MARCHF10: variants seen among roughly 807,000 people sequenced by gnomAD.
MARCHF10 encodes the protein probable E3 ubiquitin-protein ligase MARCHF10.
In MARCHF10, 64 loss-of-function variants were observed where a neutral mutation model predicts 76.2. That is an observed-to-expected ratio of 0.84 (90% confidence interval 0.69 to 1.03). The LOEUF is 1.03. Ranked by LOEUF, MARCHF10 falls within the 50% of genes least tolerant of loss-of-function variation. The pLI is 0.00. For synonymous variants in MARCHF10, 340 were observed against 357.5 expected (o/e 0.95, Z 0.55); for missense variants, 875 against 958.0 (o/e 0.91, Z 1.14).
chr17:62,767,739 C>T (rs1362208316), intron 3 of MARCHF10, among the ~76,000 whole-genome samples: 2 of 152,148 alleles, frequency 1.3e-5, no homozygotes, highest in Admixed American at 6.5e-5. Context: ...GTGTGAGCCA[C>T]CTGTAATGCC....
chr17:62,734,464 T>A (rs1305292494), intron 6 of MARCHF10, among the ~76,000 whole-genome samples: 1 of 152,186 alleles, frequency 6.6e-6, no homozygotes, highest in Non-Finnish European at 1.5e-5. Context: ...TGTACGTATG[T>A]CATGTATTAA....
intron 9 of MARCHF10, among the ~76,000 whole-genome samples, chr17:62,708,793 G>A (rs1307175475): frequency 6.6e-6 from 1 of 152,182 alleles, no homozygotes; most frequent in Non-Finnish European, 1.5e-5. Context: ...TCAGCAGTCA[G>A]ATGTGACTCA....
chr17:62,793,124 T>C (rs1245391033), intron 2 of MARCHF10, among the ~76,000 whole-genome samples: 139 of 55,188 alleles, frequency 2.5e-3, no homozygotes, highest in African/African-American at 3.8e-3. Context: ...TCCATCACTA[T>C]CACCACAACC....
At chr17:62,794,889 C>T (rs1398414567) in intron 2 of MARCHF10, 2 of 408,858 alleles carry the variant, frequency 4.9e-6, no homozygotes, top group East Asian at 1.6e-4. Flanking sequence ...TAATTGTCCT[C>T]GGTGACATTA....
chr17:62,769,612 C>T (rs568923680), intron 3 of MARCHF10, among the ~76,000 whole-genome samples: 5 of 152,224 alleles, frequency 3.3e-5, no homozygotes, highest in African/African-American at 1.2e-4. Flanking sequence ...CAGGGTTTCA[C>T]CATGTTGGGC....
chr17:62,780,057 G>A (rs571938085), intron 3 of MARCHF10, among the ~76,000 whole-genome samples: 3 of 151,702 alleles, frequency 2.0e-5, no homozygotes, highest in Non-Finnish European at 2.9e-5. Flanking sequence ...AGATCTCACC[G>A]TTGCACTCCA....
intron 3 of MARCHF10, among the ~76,000 whole-genome samples, chr17:62,778,491 G>A (rs535898861): frequency 6.6e-6 from 1 of 152,074 alleles, no homozygotes; most frequent in Non-Finnish European, 1.5e-5. Flanking sequence ...AGCACTTTGG[G>A]AGGCTGAGGC....
intron 5 of MARCHF10, among the ~76,000 whole-genome samples, chr17:62,739,061 G>A (rs1418740651): frequency 2.6e-5 from 4 of 152,192 alleles, no homozygotes; most frequent in Admixed American, 1.3e-4. Flanking sequence ...CACTTTGAAA[G>A]GCCGAGGTGG....
At chr17:62,728,926 G>A (rs1483559185) in intron 6 of MARCHF10, among the ~76,000 whole-genome samples, 1 of 152,086 alleles carries the variant, frequency 6.6e-6, no homozygotes, top group Admixed American at 6.5e-5. Context: ...AAAGAATAAA[G>A]TATGAAGGGT....
chr17:62,701,731 C>G lies in MARCHF10; in HGVS notation c.2399G>C (p.Gly800Ala). The change falls in exon 11 of 11, where the codon GGC (glycine) becomes GCC (alanine). Residue 800 changes from glycine to alanine, a missense_variant. By Grantham distance (60) the Gly-to-Ala change is moderately conservative. Coordinates refer to ENST00000311269, the MANE Select transcript of MARCHF10 (RefSeq NM_152598.4). ...GACGACCTGGCTTTGAGAAATGCTG[C>G]CTTCATTTCCATCTCCCAACTCCGA... is the stretch of plus-strand genomic sequence containing the variant. ...ENSELGDGNEGSISQSQVV is the reference protein window; with the variant it reads ...ENSELGDGNEASISQSQVV 6.2e-7 allele frequency: 1 copy of G among 1,614,128 alleles called. No individual in the cohort carries two copies. Among genetic ancestry groups the G allele is most frequent in the Non-Finnish European group, 8.5e-7 (1 of 1,180,044 alleles).
At chr17:62,739,029 T>C (rs1453229298) in intron 5 of MARCHF10, among the ~76,000 whole-genome samples, 1 of 152,232 alleles carries the variant, frequency 6.6e-6, no homozygotes, top group Non-Finnish European at 1.5e-5. Flanking sequence ...CTGGGGGCTG[T>C]GGCTCACGCC....
Position 62,711,242 on chromosome 17 carries a change from C to G in MARCHF10, c.2317G>C (p.Glu773Gln). 1 of 1,613,946 alleles carries G rather than the reference C, an allele frequency of 6.2e-7. No individual in the cohort carries two copies. Among genetic ancestry groups the G allele is most frequent in the South Asian group, 1.1e-5 (1 of 91,072 alleles). The change falls in exon 9 of 11, where the codon GAA (glutamate) becomes CAA (glutamine). Residue 773 changes from glutamate to glutamine, a missense_variant. Physicochemically the swap from Glu to Gln is conservative, Grantham distance 29. Coordinates refer to ENST00000311269, the MANE Select transcript of MARCHF10 (RefSeq NM_152598.4). This position sits in a 1 kb window ranked among gnomAD's most constrained non-coding sequence, Gnocchi z 4.4. ...ELMRLNHNQV[E>Q]RERLSRNYPQ... is the part of the protein sequence containing the mutation. ...ACAGCCAGACTTACCCTCTCTCTTT[C>G]CACCTGGTTGTGGTTGAGCCTCATG...
intron 2 of MARCHF10, chr17:62,795,055 C>A (rs1468109760): frequency 1.0e-6 from 1 of 985,190 alleles, no homozygotes; most frequent in African/African-American, 1.7e-5. Context: ...CCCTCACCTC[C>A]GTCCCTATGG....
chr17:62,740,049 AGTGT>A (rs112894135), intron 5 of MARCHF10, among the ~76,000 whole-genome samples: 39,932 of 145,310 alleles, frequency 0.27, 5,475 homozygotes, highest in Admixed American at 0.32. Flanking sequence ...GCTTCTCTGC[AGTGT>A]GTGTGTGTGT....
At chr17:62,753,929 C>T (rs1409150731) in intron 4 of MARCHF10, among the ~76,000 whole-genome samples, 1 of 152,182 alleles carries the variant, frequency 6.6e-6, no homozygotes, top group Non-Finnish European at 1.5e-5. Flanking sequence ...TGGATGAGTA[C>T]ACCAGTTCGC....
intron 8 of MARCHF10, among the ~76,000 whole-genome samples, chr17:62,713,948 G>A (rs1282409450): frequency 1.3e-5 from 2 of 152,270 alleles, no homozygotes; most frequent in Non-Finnish European, 2.9e-5. Context: ...TTTAGGCCAA[G>A]AGACTTGCTA....
chr17:62,759,408 C>T (rs2092133980), intron 4 of MARCHF10, among the ~76,000 whole-genome samples: 1 of 152,174 alleles, frequency 6.6e-6, no homozygotes, highest in Non-Finnish European at 1.5e-5. Context: ...GGATCACTGG[C>T]CTTTCGAAAC....
chr17:62,803,721 G>A (rs28733545), intron 1 of MARCHF10, among the ~76,000 whole-genome samples: 3 of 151,986 alleles, frequency 2.0e-5, no homozygotes, highest in East Asian at 1.9e-4. Flanking sequence ...TCACCATATC[G>A]GCCAGACTGA....
Position 62,801,780 on chromosome 17 carries a change from T to C in MARCHF10, c.-17-28A>G, listed in dbSNP as rs770154193. The C allele has an allele frequency of 7.4e-6, 11 of 1,484,744 alleles. No individual in the cohort carries two copies. The East Asian group carries it at 1.1e-4, about 15-fold the overall frequency. The allele number at this position is 1,484,744 out of a possible 1,614,324, so 92.0% of individuals were successfully genotyped here. A position where few individuals can be genotyped will look rare whatever the true frequency, so the allele number is the denominator to read the frequency against. Reference sequence around the variant, plus strand: ...GCACAGAAAAGATAAACAAATGTGCTGTGTTAGAGTCCTTTGTCGTGATGC... The same window carrying C: ...GCACAGAAAAGATAAACAAATGTGCCGTGTTAGAGTCCTTTGTCGTGATGC... On this transcript the variant is annotated intron_variant, in intron 1 of 10. Transcript: ENST00000311269.
Sources: allele counts gnomAD v4.1 joint callset (sites outside exome capture counted in the v4.1 genomes callset), GRCh38; gene constraint gnomAD v4.1.1; non-coding constraint Gnocchi (gnomAD v3.1); transcripts MANE v1.5; gene names NCBI Gene and HGNC (gene_info 2026-07-23, HGNC 2026-07-21).